GRID2: variants seen among roughly 807,000 people sequenced by gnomAD.
The protein encoded by GRID2 is glutamate receptor ionotropic, delta-2.
Under a neutral mutation model 114.8 loss-of-function variants are expected in GRID2, and 33 were observed. That is an observed-to-expected ratio of 0.29 (90% CI 0.22 to 0.38). The LOEUF (loss-of-function observed/expected upper bound fraction) is 0.38, where lower values mean the gene tolerates loss of function less well. Among genes scored for constraint, GRID2 ranks in the 10% least tolerant of loss-of-function variants. GRID2 has a pLI of 1.00. For synonymous variants in GRID2, 505 were observed against 449.9 expected (o/e 1.12, Z -1.55); for missense variants, 1,184 against 1,257.7 (o/e 0.94, Z 0.89).
In GRID2 at chr4:92,311,495, G is replaced by C. The variant is rs141080270; in HGVS notation, c.88+6751G>C. 1.7e-3 allele frequency among the ~76,000 whole-genome samples: 266 copies of C among 152,082 alleles called. 2 individuals are homozygous for C. The highest frequency in any genetic ancestry group is 6.1e-3 in the African/African-American group (254 of 41,508). The stretch of plus-strand genomic sequence containing the variant: ...TATTCTTAAATCACTCTGTAGTCAA[G>C]TTCCTTATTAACAGATTTTTAAAAT... On this transcript the variant is annotated intron_variant, in intron 1 of 15. Transcript: ENST00000282020.
chr4:93,580,045 T>A (rs1465430526), intron 13 of GRID2, among the ~76,000 whole-genome samples: 1 of 152,232 alleles, frequency 6.6e-6, no homozygotes, highest in Admixed American at 6.5e-5. Context: ...TTCATCTGTA[T>A]TCTGCCTTTT....
At chr4:92,734,748 G>A (rs915110812) in intron 2 of GRID2, among the ~76,000 whole-genome samples, 3 of 149,938 alleles carry the variant, frequency 2.0e-5, no homozygotes, top group Middle Eastern at 3.4e-3. Context: ...ATTGTACATT[G>A]ATGGTTATAT....
chr4:93,382,319 A>G (rs1763929689), intron 8 of GRID2, among the ~76,000 whole-genome samples: 1 of 151,940 alleles, frequency 6.6e-6, no homozygotes, highest in African/African-American at 2.4e-5. Flanking sequence ...GGCTTCAAAT[A>G]TCCTCTCTTC....
intron 2 of GRID2, among the ~76,000 whole-genome samples, chr4:92,972,042 G>A (rs564087613): frequency 6.6e-6 from 1 of 152,078 alleles, no homozygotes; most frequent in South Asian, 2.1e-4. Context: ...CATTCCTTTG[G>A]ATAAATACCC....
At chr4:92,831,979 TA>T (rs541336874) in intron 2 of GRID2, among the ~76,000 whole-genome samples, 3 of 152,148 alleles carry the variant, frequency 2.0e-5, no homozygotes, top group African/African-American at 7.2e-5. Context: ...ATACAGTGCA[TA>T]AAAGACTGTT....
At chr4:92,415,036 T>A (rs1163624415) in intron 1 of GRID2, among the ~76,000 whole-genome samples, 1 of 152,016 alleles carries the variant, frequency 6.6e-6, no homozygotes, top group Admixed American at 6.6e-5. Context: ...ATTTTGTTTT[T>A]GAAAAAGAAC....
intron 1 of GRID2, among the ~76,000 whole-genome samples, chr4:92,324,009 T>C (rs748378781): frequency 8.5e-5 from 13 of 152,056 alleles, no homozygotes; most frequent in Non-Finnish European, 1.9e-4. Flanking sequence ...GTAGAATTTG[T>C]TAATTGTTTT....
chr4:92,306,395 TG>T (rs1212953312), intron 1 of GRID2, among the ~76,000 whole-genome samples: 1 of 152,220 alleles, frequency 6.6e-6, no homozygotes, highest in Non-Finnish European at 1.5e-5. Flanking sequence ...ATGGTCTCAT[TG>T]AGTGGTTCAG....
intron 14 of GRID2, among the ~76,000 whole-genome samples, chr4:93,724,753 C>T (rs187152313): frequency 6.6e-6 from 1 of 151,866 alleles, no homozygotes; most frequent in Non-Finnish European, 1.5e-5. Flanking sequence ...GAGAGAGGTC[C>T]TCACTGCACC....
At chr4:92,727,975 C>A (rs1212537649) in intron 2 of GRID2, among the ~76,000 whole-genome samples, 1 of 151,834 alleles carries the variant, frequency 6.6e-6, no homozygotes, top group Non-Finnish European at 1.5e-5. Flanking sequence ...GCAAAGCATG[C>A]AGAAGTAGGG....
At chr4:92,339,655 C>T (rs546533144) in intron 1 of GRID2, among the ~76,000 whole-genome samples, 1 of 152,222 alleles carries the variant, frequency 6.6e-6, no homozygotes, top group South Asian at 2.1e-4. Context: ...AATGTAGAAT[C>T]CTGAGTTTTT....
intron 11 of GRID2, among the ~76,000 whole-genome samples, chr4:93,487,070 T>C (rs1323923815): frequency 6.6e-6 from 1 of 151,806 alleles, no homozygotes; most frequent in African/African-American, 2.4e-5. Flanking sequence ...AACTTGTCCA[T>C]ATCATCTTAA....
chr4:93,304,434 C>T (rs59578568), intron 8 of GRID2, among the ~76,000 whole-genome samples: 8,232 of 151,542 alleles, frequency 0.054, 755 homozygotes, highest in African/African-American at 0.19. Flanking sequence ...GTGCTTTTTT[C>T]CCCCCTTAGG....
At chr4:92,790,693 C>T (rs1739541056) in intron 2 of GRID2, among the ~76,000 whole-genome samples, 1 of 142,658 alleles carries the variant, frequency 7.0e-6, no homozygotes, top group African/African-American at 2.6e-5. Flanking sequence ...GTTGGGATAA[C>T]ATGCATGAGC....
intron 2 of GRID2, among the ~76,000 whole-genome samples, chr4:92,591,280 A>G (rs1227777037): frequency 2.0e-5 from 3 of 152,142 alleles, no homozygotes; most frequent in Non-Finnish European, 2.9e-5. Context: ...CTCACAAGAC[A>G]CCTAATCTGC....
intron 2 of GRID2, among the ~76,000 whole-genome samples, chr4:92,947,693 A>G (rs1002344927): frequency 2.0e-5 from 3 of 151,716 alleles, no homozygotes; most frequent in South Asian, 2.1e-4. Context: ...AGAGGTGTAT[A>G]TGGGTTGTGT....
intron 2 of GRID2, among the ~76,000 whole-genome samples, chr4:92,612,158 A>G (rs1729784272): frequency 1.3e-5 from 2 of 151,450 alleles, no homozygotes; most frequent in Admixed American, 6.6e-5. Flanking sequence ...TGAGTATGGT[A>G]TGAGGCACTG....
chr4:93,474,573 T>C (rs1725144761), intron 11 of GRID2, among the ~76,000 whole-genome samples: 2 of 152,146 alleles, frequency 1.3e-5, no homozygotes. Context: ...CTAAACCTAT[T>C]TATTCTAGTC....
chr4:93,225,306 C>A (rs1745363189), intron 7 of GRID2, among the ~76,000 whole-genome samples: 1 of 151,980 alleles, frequency 6.6e-6, no homozygotes. Context: ...TTGCTTATTC[C>A]AGCTGTGAAT....
Sources: gnomAD v4.1 joint callset for allele counts (sites outside exome capture counted in the v4.1 genomes callset) on GRCh38, gnomAD v4.1.1 for gene constraint, MANE v1.5 for transcripts, NCBI Gene and HGNC (gene_info 2026-07-23, HGNC 2026-07-21) for gene names.